The following TMBIM6 variants were observed in gnomAD, a reference collection of about 807,000 sequenced individuals.
TMBIM6 encodes the protein bax inhibitor 1.
A neutral mutation model predicts 31.4 loss-of-function variants in TMBIM6; 13 were observed. The ratio of observed to expected loss-of-function variants is 0.41; its 90% CI spans 0.27 to 0.66. The LOEUF (loss-of-function observed/expected upper bound fraction) is 0.66, where lower values mean the gene tolerates loss of function less well. TMBIM6 is among the 30% of genes least tolerant of loss of function. TMBIM6 has a pLI of 0.28. For missense variants in TMBIM6, 275 were observed against 289.5 expected, an observed-to-expected ratio of 0.95 and a Z score of 0.36; for synonymous variants, 85 against 101.7, an observed-to-expected ratio of 0.84 and a Z score of 0.99.
chr12:49,744,114 C>G (rs1352430236), intron 1 of TMBIM6, among the ~76,000 whole-genome samples: 1 of 152,110 alleles, frequency 6.6e-6, no homozygotes, highest in African/African-American at 2.4e-5. Flanking sequence ...TAAAATGGGC[C>G]TAATCTTTCC....
chr12:49,752,211 A>T (rs563840179), intron 1 of TMBIM6, among the ~76,000 whole-genome samples: 1 of 152,244 alleles, frequency 6.6e-6, no homozygotes, highest in Non-Finnish European at 1.5e-5. Context: ...GAAAGAATAG[A>T]AATCAGATGA....
intron 3 of TMBIM6, among the ~76,000 whole-genome samples, chr12:49,753,377 C>T (rs1945531878): frequency 6.6e-6 from 1 of 152,182 alleles, no homozygotes; most frequent in East Asian, 1.9e-4. Flanking sequence ...GATTCTTTGG[C>T]ACAGAAGCTT....
intron 1 of TMBIM6, among the ~76,000 whole-genome samples, chr12:49,750,264 C>A (rs1945471411): frequency 6.6e-6 from 1 of 152,192 alleles, no homozygotes; most frequent in Admixed American, 6.5e-5. Flanking sequence ...TGAGCATTGC[C>A]TCTTTCTTAG....
Position 49,741,989 on chromosome 12 carries a change from C to T in TMBIM6, c.-31+378C>T. 6.5e-6 allele frequency: 8 copies of T among 1,221,510 alleles called. 1 individual carries two copies. In the South Asian group the frequency reaches 1.0e-4, roughly 16 times the overall value. 75.7% of individuals were successfully genotyped at this position (1,221,510 alleles called of 1,614,324 possible). A position where few individuals can be genotyped will look rare whatever the true frequency, so the allele number is the denominator to read the frequency against. On this transcript the variant is annotated intron_variant, in intron 1 of 9. Coordinates refer to ENST00000267115, the MANE Select transcript of TMBIM6 (RefSeq NM_003217.3). Reference sequence around the variant, plus strand: ...GCCCCTTGGCCTAGCTTCGATCGTTCGAATTCAGAGCACGTCCTTCCGAGG... The same window carrying T: ...GCCCCTTGGCCTAGCTTCGATCGTTTGAATTCAGAGCACGTCCTTCCGAGG...
intron 8 of TMBIM6, 52 bp downstream of exon 8, chr12:49,759,373 C>T: frequency 1.3e-6 from 2 of 1,502,324 alleles, no homozygotes; most frequent in Non-Finnish European, 1.9e-6. Flanking sequence ...GCATACCGTT[C>T]AGCAGCTGAA....
chr12:49,742,235 CCCA>C (rs1168843535), intron 1 of TMBIM6: 6 of 1,612,496 alleles, frequency 3.7e-6, no homozygotes, highest in Non-Finnish European at 5.1e-6. Flanking sequence ...GCCTTCCAGG[CCCA>C]CGGGGCGGCC....
At chr12:49,754,268 C>G (rs1444072809) in intron 3 of TMBIM6, among the ~76,000 whole-genome samples, 1 of 152,164 alleles carries the variant, frequency 6.6e-6, no homozygotes, top group Non-Finnish European at 1.5e-5. Context: ...AATACAAGCA[C>G]ATGCCACCAT....
intron 1 of TMBIM6, among the ~76,000 whole-genome samples, chr12:49,744,070 A>G (rs58039341): frequency 0.02 from 3,091 of 152,280 alleles, 110 homozygotes; most frequent in African/African-American, 0.07. Flanking sequence ...TCTTGCCACT[A>G]TTACATTGCC....
rs1257302676 is a variant in TMBIM6 at position 49,758,256 on chromosome 12, T to C, written c.316T>C (p.Cys106Arg). ...GVGLGPALEF[C>R]IAVNPSILPT... ...TGGCCTGGGCCCTGCCCTGGAGTTT[T>C]GTATTGCTGTCAACCCCAGGTAACT... Residue 106 changes from cysteine (C) to arginine (R), a missense_variant, in exon 5 of 10, where the codon TGT becomes CGT. Transcript: ENST00000267115. 9 of 1,614,264 alleles carry C rather than the reference T, an allele frequency of 5.6e-6. No individual in the cohort carries two copies. The highest frequency in any genetic ancestry group is 2.2e-5 in the East Asian group (1 of 44,894).
intron 3 of TMBIM6, among the ~76,000 whole-genome samples, chr12:49,755,271 G>A (rs1329785150): frequency 6.6e-6 from 1 of 152,034 alleles, no homozygotes; most frequent in African/African-American, 2.4e-5. Flanking sequence ...GTGACCAAAG[G>A]GGGATCATTT....
At chr12:49,749,435 A>ATTT (rs372622355) in intron 1 of TMBIM6, among the ~76,000 whole-genome samples, 26 of 136,436 alleles carry the variant, frequency 1.9e-4, no homozygotes, top group Non-Finnish European at 2.7e-4. Flanking sequence ...TTTGTAAGTC[A>ATTT]TTTTTGTTTT....
At chr12:49,742,260 G>A (rs1401649742) in intron 1 of TMBIM6, 34 of 1,606,816 alleles carry the variant, frequency 2.1e-5, no homozygotes, top group Non-Finnish European at 2.9e-5. Context: ...CGCTCTTTTC[G>A]GATTGGTTAC....
At chr12:49,761,884 G>C in intron 9 of TMBIM6, 105 bp downstream of exon 9, 1 of 1,101,818 alleles carries the variant, frequency 9.1e-7, no homozygotes, top group South Asian at 1.4e-5. Flanking sequence ...GTTAGGTCCA[G>C]GGTAACTGTA....
At chr12:49,742,176 C>G in intron 1 of TMBIM6, 2 of 1,613,540 alleles carry the variant, frequency 1.2e-6, no homozygotes, top group Non-Finnish European at 1.7e-6. Context: ...TCCTCAGTTA[C>G]TTAGCCAACG....
At chr12:49,761,169 A>T (rs950379035) in intron 8 of TMBIM6, among the ~76,000 whole-genome samples, 1 of 151,044 alleles carries the variant, frequency 6.6e-6, no homozygotes, top group Non-Finnish European at 1.5e-5. Flanking sequence ...TCTCAGTCTC[A>T]TGACTAATTA....
Position 49,759,216 on chromosome 12 carries a change from G to A in TMBIM6, c.514-5G>A. Reference sequence around the variant, plus strand: ...TATAGTAACTTCATCTCTTACATTTGTTAGGCAAACCTGTATGTGGGACTG... The same window carrying A: ...TATAGTAACTTCATCTCTTACATTTATTAGGCAAACCTGTATGTGGGACTG... On this transcript the variant is annotated splice_region_variant and splice_polypyrimidine_tract_variant and intron_variant, in intron 7 of 9. Coordinates refer to ENST00000267115, the MANE Select transcript of TMBIM6 (RefSeq NM_003217.3). 2 of 1,613,174 alleles carry A rather than the reference G, an allele frequency of 1.2e-6. No individual in the cohort carries two copies. Among genetic ancestry groups the A allele is most frequent in the South Asian group, 2.2e-5 (2 of 91,018 alleles).
intron 1 of TMBIM6, among the ~76,000 whole-genome samples, chr12:49,744,904 C>G (rs1945361823): frequency 6.6e-6 from 1 of 152,142 alleles, no homozygotes; most frequent in Non-Finnish European, 1.5e-5. Context: ...CAGTATCTGT[C>G]AAACGTTATA....
Position 49,763,297 on chromosome 12 carries a change from G to C in TMBIM6, c.*401G>C, listed in dbSNP as rs1019247964. On this transcript the variant is annotated 3_prime_UTR_variant, in exon 10 of 10. Transcript: ENST00000267115. ...GCCCTTCCTTCCTCATTGTTGTTTG[G>C]TATGCGCACAGTTCCTGTGGGACTG... The C allele has an allele frequency of 5.9e-6, 1 of 168,956 alleles. No homozygotes were observed. The highest frequency in any genetic ancestry group is 2.4e-5 in the African/African-American group (1 of 42,102). The allele number at this position is 168,956 out of a possible 1,614,324, so 10.5% of individuals were successfully genotyped here. A position where few individuals can be genotyped will look rare whatever the true frequency, so the allele number is the denominator to read the frequency against.
chr12:49,762,624 A>G (rs555707958), intron 9 of TMBIM6, among the ~76,000 whole-genome samples: 1 of 152,026 alleles, frequency 6.6e-6, no homozygotes, highest in Non-Finnish European at 1.5e-5. Context: ...CAGGCAGCCC[A>G]CCTCGGCACT....
Sources: gnomAD v4.1 joint callset for allele counts (sites outside exome capture counted in the v4.1 genomes callset) on GRCh38, gnomAD v4.1.1 for gene constraint, MANE v1.5 for transcripts, NCBI Gene and HGNC (gene_info 2026-07-23, HGNC 2026-07-21) for gene names.